Variants in PREX2 observed in about 807,000 individuals in gnomAD.
PREX2 encodes the protein phosphatidylinositol 3,4,5-trisphosphate-dependent Rac exchanger 2 protein.
A neutral mutation model predicts 203.2 loss-of-function variants in PREX2; 107 were observed. The ratio of observed to expected loss-of-function variants is 0.53; its 90% CI spans 0.45 to 0.62. PREX2 has a LOEUF of 0.62. PREX2 is among the 20% of genes least tolerant of loss of function. PREX2 has a pLI of 0.00. For synonymous variants in PREX2, 672 were observed against 663.6 expected (o/e 1.01, Z -0.19); for missense variants, 1,777 against 1,955.9 (o/e 0.91, Z 1.72).
intron 24 of PREX2, chr8:68,109,130 G>T: frequency 2.2e-6 from 1 of 449,616 alleles, no homozygotes; most frequent in Non-Finnish European, 4.1e-6. Flanking sequence ...GAGATATATT[G>T]TATAACATGC....
intron 1 of PREX2, among the ~76,000 whole-genome samples, chr8:68,015,656 AATGTAAACT>A (rs1447649041): frequency 2.6e-5 from 4 of 152,326 alleles, no homozygotes; most frequent in African/African-American, 7.2e-5. Context: ...GTCAATATGA[AATGTAAACT>A]ATGTAAACTA....
chr8:68,204,104 G>A (rs949522923), intron 37 of PREX2, among the ~76,000 whole-genome samples: 2 of 152,122 alleles, frequency 1.3e-5, no homozygotes, highest in Non-Finnish European at 2.9e-5. Context: ...AATCTAAAAT[G>A]TGGAGAAGCA....
chr8:68,021,052 G>A (rs1330954322), intron 3 of PREX2, among the ~76,000 whole-genome samples: 1 of 151,994 alleles, frequency 6.6e-6, no homozygotes, highest in African/African-American at 2.4e-5. Flanking sequence ...TCTTTTATTG[G>A]TACTCTTTTG....
At chr8:68,132,285 G>A (rs2129613366) in intron 31 of PREX2, among the ~76,000 whole-genome samples, 1 of 151,556 alleles carries the variant, frequency 6.6e-6, no homozygotes, top group East Asian at 1.9e-4. Context: ...CTTGAGGATT[G>A]GACAAAGTTC....
chr8:68,230,357 A>T (rs894724025), intron 39 of PREX2, among the ~76,000 whole-genome samples: 9 of 152,202 alleles, frequency 5.9e-5, no homozygotes, highest in African/African-American at 2.2e-4. Flanking sequence ...CCATGTGGAA[A>T]TCTGCAGCTT....
At position 68,019,446 on chromosome 8, in the gene PREX2, C is replaced by T; in HGVS notation, c.214-103C>T. The T allele has an allele frequency of 3.5e-6, 3 of 858,064 alleles. No homozygotes were observed. The South Asian group carries it at 6.8e-5, about 19-fold the overall frequency. The allele number at this position is 858,064 out of a possible 1,614,324, so 53.2% of individuals were successfully genotyped here. A position where few individuals can be genotyped will look rare whatever the true frequency, so the allele number is the denominator to read the frequency against. On this transcript the variant is annotated intron_variant, in intron 2 of 39. Coordinates refer to ENST00000288368, the MANE Select transcript of PREX2 (RefSeq NM_024870.4). ...CTCTGTCGGCAAGGTGGGAGGAAGG[C>T]ATGGATGTATGGTTTTCAGGTTGGA...
chr8:67,975,841 C>A (rs1162858415), intron 1 of PREX2, among the ~76,000 whole-genome samples: 1 of 149,538 alleles, frequency 6.7e-6, no homozygotes, highest in Non-Finnish European at 1.5e-5. Context: ...GTAGCTGGGA[C>A]TACAGGCGTG....
rs762016096 is a variant in PREX2 at position 68,157,387 on chromosome 8, A to T, written c.4297A>T (p.Ile1433Leu). The T allele has an allele frequency of 5.6e-6, 9 of 1,612,982 alleles. No individual in the cohort carries two copies. The East Asian group carries it at 1.3e-4, about 24-fold the overall frequency. ...TTCTGTGGAAGAATTTCAAGCTCAG[A>T]TAAATGCAGCCTCACTGGAAAAGGT... is the stretch of plus-strand genomic sequence containing the variant. ...NVSVEEFQAQ[I>L]NAASLEKVKQ... The change falls in exon 35 of 40, where the codon ATA becomes TTA. Residue 1433 changes from isoleucine to leucine, a missense_variant. Physicochemically the swap from Ile to Leu is conservative, Grantham distance 5 (BLOSUM62 2). Transcript: ENST00000288368.
intron 1 of PREX2, among the ~76,000 whole-genome samples, chr8:67,985,855 C>T (rs1806402158): frequency 6.6e-6 from 1 of 152,166 alleles, no homozygotes. Context: ...ATGCAAGCGA[C>T]CTGTGTTCCC....
intron 4 of PREX2, among the ~76,000 whole-genome samples, chr8:68,024,680 A>T (rs1425688685): frequency 6.6e-6 from 1 of 151,874 alleles, no homozygotes; most frequent in Non-Finnish European, 1.5e-5. Context: ...CCATTTTATT[A>T]CTTTTTCCTA....
At chr8:68,192,629 A>G (rs1214438208) in intron 37 of PREX2, 104 bp downstream of exon 37, 1 of 818,394 alleles carries the variant, frequency 1.2e-6, no homozygotes, top group African/African-American at 1.7e-5. Context: ...GAAACATTCA[A>G]AGACTCAGGT....
chr8:68,085,061 G>A (rs1382374373), intron 18 of PREX2, among the ~76,000 whole-genome samples: 1 of 152,090 alleles, frequency 6.6e-6, no homozygotes, highest in East Asian at 1.9e-4. Context: ...TAGAACTCTA[G>A]ATTACAGGTT....
At position 68,001,802 on chromosome 8, in the gene PREX2, A is replaced by T. The variant is rs1351088863; in HGVS notation, c.142-16044A>T. Among the ~76,000 whole-genome samples, 5 of 152,360 alleles carry T rather than the reference A, an allele frequency of 3.3e-5. No individual in the cohort carries two copies. In the East Asian group the frequency reaches 7.7e-4, roughly 24 times the overall value. On this transcript the variant is annotated intron_variant, in intron 1 of 39. Transcript: ENST00000288368. Reference sequence around the variant, plus strand: ...TTATGTCCTTTTCAGGAACATAGATAGAGCTGAAGGCCATTGTCCTTAGCA... The same window carrying T: ...TTATGTCCTTTTCAGGAACATAGATTGAGCTGAAGGCCATTGTCCTTAGCA...
intron 32 of PREX2, among the ~76,000 whole-genome samples, chr8:68,135,264 T>G (rs1811093699): frequency 1.3e-5 from 2 of 152,194 alleles, no homozygotes; most frequent in Non-Finnish European, 2.9e-5. Flanking sequence ...TCTAATCAAG[T>G]GCCGGTGCTT....
intron 37 of PREX2, among the ~76,000 whole-genome samples, chr8:68,203,081 C>T (rs1812539556): frequency 6.6e-6 from 1 of 152,186 alleles, no homozygotes; most frequent in African/African-American, 2.4e-5. Context: ...TTCAGAAACA[C>T]CCTCACAGAC....
chr8:68,073,588 A>G (rs1227123078), intron 14 of PREX2, among the ~76,000 whole-genome samples: 1 of 152,180 alleles, frequency 6.6e-6, no homozygotes, highest in African/African-American at 2.4e-5. Context: ...TAGCACTTAC[A>G]TTTATTACAT....
intron 37 of PREX2, among the ~76,000 whole-genome samples, chr8:68,210,671 T>G (rs1007551597): frequency 2.0e-5 from 3 of 152,228 alleles, no homozygotes; most frequent in African/African-American, 7.2e-5. Context: ...CCTTGCTCAG[T>G]ACAGTTTGAA....
intron 35 of PREX2, among the ~76,000 whole-genome samples, chr8:68,190,197 A>T (rs1812264736): frequency 6.6e-6 from 1 of 152,172 alleles, no homozygotes; most frequent in Admixed American, 6.5e-5. Context: ...TGAAACAACA[A>T]TATAATCAGC....
intron 1 of PREX2, among the ~76,000 whole-genome samples, chr8:67,970,394 A>G (rs1375720698): frequency 6.6e-6 from 1 of 152,214 alleles, no homozygotes; most frequent in Non-Finnish European, 1.5e-5. Context: ...TAGTGTAATG[A>G]CCATCAGCCT....
Sources: gnomAD v4.1 joint callset for allele counts (sites outside exome capture counted in the v4.1 genomes callset) on GRCh38, gnomAD v4.1.1 for gene constraint, MANE v1.5 for transcripts, NCBI Gene and HGNC (gene_info 2026-07-23, HGNC 2026-07-21) for gene names.